The following SMAP1 variants were observed in gnomAD, a reference collection of about 807,000 sequenced individuals.
The protein encoded by SMAP1 is small ArfGAP 1.
SMAP1 carries 24 observed loss-of-function variants against 58.5 expected under a neutral mutation model. The ratio of observed to expected loss-of-function variants is 0.41; its 90% CI spans 0.30 to 0.58. The LOEUF (loss-of-function observed/expected upper bound fraction) is 0.58. Among genes scored for constraint, SMAP1 ranks in the 20% least tolerant of loss-of-function variants. The probability of loss-of-function intolerance (pLI) is 0.29; values close to 1 mark genes in which losing one functional copy is unlikely to be tolerated. For missense variants in SMAP1, 563 were observed against 566.3 expected (o/e 0.99, Z 0.06); for synonymous variants, 216 against 196.6 (o/e 1.10, Z -0.82).
At chr6:70,764,287 A>G (rs1042943281) in intron 3 of SMAP1, among the ~76,000 whole-genome samples, 3 of 152,172 alleles carry the variant, frequency 2.0e-5, no homozygotes, top group Non-Finnish European at 4.4e-5. Context: ...TATCCAGAAG[A>G]TGTAACTAAG....
chr6:70,770,927 G>C (rs542836696), intron 3 of SMAP1, among the ~76,000 whole-genome samples: 1 of 152,228 alleles, frequency 6.6e-6, no homozygotes, highest in South Asian at 2.1e-4. Flanking sequence ...ATGGGTTTTT[G>C]GTGTGGATGT....
intron 1 of SMAP1, among the ~76,000 whole-genome samples, chr6:70,703,490 C>T (rs1767720076): frequency 6.6e-6 from 1 of 152,070 alleles, no homozygotes; most frequent in South Asian, 2.1e-4. Context: ...TGGAAATAGC[C>T]TGACTTTTTC....
intron 1 of SMAP1, among the ~76,000 whole-genome samples, chr6:70,698,967 TG>T (rs1271150762): frequency 6.6e-6 from 1 of 152,228 alleles, no homozygotes; most frequent in East Asian, 1.9e-4. Flanking sequence ...TGTTGATGTC[TG>T]GGCATTGAAG....
chr6:70,853,017 G>A (rs1008579615), intron 8 of SMAP1, among the ~76,000 whole-genome samples: 10 of 152,070 alleles, frequency 6.6e-5, no homozygotes, highest in African/African-American at 2.4e-4. Context: ...ATGAACAAGT[G>A]GAAAAACCCT....
At chr6:70,788,000 C>T (rs1053853056) in intron 4 of SMAP1, among the ~76,000 whole-genome samples, 1 of 152,060 alleles carries the variant, frequency 6.6e-6, no homozygotes, top group Non-Finnish European at 1.5e-5. Flanking sequence ...CACGTGCCCA[C>T]GTATGTTTAT....
At chr6:70,856,833 A>T in intron 8 of SMAP1, 26 bp from the exon 9 acceptor site, 1 of 1,571,788 alleles carries the variant, frequency 6.4e-7, no homozygotes, top group Non-Finnish European at 8.6e-7. Flanking sequence ...GCAGAATTTG[A>T]TAGCTTATTT....
intron 10 of SMAP1, 100 bp from the exon 11 acceptor site, chr6:70,860,100 G>A: frequency 7.3e-7 from 1 of 1,362,308 alleles, no homozygotes; most frequent in Admixed American, 2.5e-5. Context: ...GCTTGGACTA[G>A]TTGTCACATT....
At chr6:70,807,387 A>G (rs1481269771) in intron 6 of SMAP1, among the ~76,000 whole-genome samples, 2 of 152,240 alleles carry the variant, frequency 1.3e-5, no homozygotes, top group Non-Finnish European at 2.9e-5. Context: ...TTAAATAGAT[A>G]TCTCTCTTTT....
chr6:70,857,868 A>C, intron 9 of SMAP1, 54 bp from the exon 10 acceptor site: 1 of 1,569,084 alleles, frequency 6.4e-7, no homozygotes, highest in Non-Finnish European at 8.7e-7. Flanking sequence ...TATAGAGATG[A>C]GTGCAACTAC....
chr6:70,735,828 A>G (rs1034616111), intron 2 of SMAP1, among the ~76,000 whole-genome samples: 6 of 152,228 alleles, frequency 3.9e-5, no homozygotes, highest in African/African-American at 1.4e-4. Flanking sequence ...TTTACTGTAC[A>G]TAGTTACATA....
At chr6:70,756,296 A>G (rs535453403) in intron 3 of SMAP1, among the ~76,000 whole-genome samples, 16 of 152,214 alleles carry the variant, frequency 1.1e-4, no homozygotes, top group African/African-American at 3.8e-4. Context: ...AGTGGAGGAA[A>G]TATCTTTTCT....
chr6:70,733,809 A>G (rs1420807019), intron 2 of SMAP1, among the ~76,000 whole-genome samples: 1 of 152,170 alleles, frequency 6.6e-6, no homozygotes, highest in Non-Finnish European at 1.5e-5. Flanking sequence ...ATTTCAAACT[A>G]AGGATAAAAC....
chr6:70,787,101 A>G (rs972330836), intron 4 of SMAP1, among the ~76,000 whole-genome samples: 30 of 152,150 alleles, frequency 2.0e-4, no homozygotes, highest in African/African-American at 6.7e-4. Flanking sequence ...CCAAAACAGA[A>G]ATATAGATCA....
chr6:70,857,266 T>C (rs756504326), intron 9 of SMAP1: 41 of 338,138 alleles, frequency 1.2e-4, no homozygotes, highest in Middle Eastern at 8.2e-4. Context: ...GATCACTAAA[T>C]GTTGTTTCAC....
chr6:70,703,952 TC>T (rs1189226762), intron 1 of SMAP1, among the ~76,000 whole-genome samples: 1 of 152,236 alleles, frequency 6.6e-6, no homozygotes. Flanking sequence ...GTTTTCCATC[TC>T]TTGATTTCCA....
intron 1 of SMAP1, among the ~76,000 whole-genome samples, chr6:70,697,924 T>C (rs1767476662): frequency 6.6e-6 from 1 of 152,230 alleles, no homozygotes; most frequent in South Asian, 2.1e-4. Context: ...CTACTCAAGA[T>C]ATGAACAGTT....
chr6:70,685,960 T>C (rs185483817), intron 1 of SMAP1, among the ~76,000 whole-genome samples: 1 of 152,208 alleles, frequency 6.6e-6, no homozygotes, highest in East Asian at 1.9e-4. Context: ...GGCTGGAGTG[T>C]AGTGGCACCA....
At chr6:70,709,998 G>A (rs944025766) in intron 1 of SMAP1, among the ~76,000 whole-genome samples, 11 of 151,726 alleles carry the variant, frequency 7.2e-5, no homozygotes, top group South Asian at 2.1e-4. Flanking sequence ...AGGTGATTTC[G>A]TCATTGTGGG....
At chr6:70,734,264 G>T (rs1375838854) in intron 2 of SMAP1, among the ~76,000 whole-genome samples, 1 of 152,032 alleles carries the variant, frequency 6.6e-6, no homozygotes, top group Non-Finnish European at 1.5e-5. Flanking sequence ...TCCTGCCTCA[G>T]CCTCCCAAGT....
Sources: allele counts gnomAD v4.1 joint callset (sites outside exome capture counted in the v4.1 genomes callset), GRCh38; gene constraint gnomAD v4.1.1; transcripts MANE v1.5; gene names NCBI Gene and HGNC (gene_info 2026-07-23, HGNC 2026-07-21).